ADGRL2: variants seen among roughly 807,000 people sequenced by gnomAD.
The protein encoded by ADGRL2 is adhesion G protein-coupled receptor L2, also known as calcium-independent alpha-latrotoxin receptor 2.
ADGRL2 carries 44 observed loss-of-function variants against 157.4 expected under a neutral mutation model. The observed-to-expected ratio is 0.28, with a 90% CI of 0.22 to 0.36. ADGRL2 has a LOEUF of 0.36. ADGRL2 is among the 10% of genes least tolerant of loss of function. The pLI is 1.00. For synonymous variants in ADGRL2, 585 were observed against 624.7 expected, an observed-to-expected ratio of 0.94 and a Z score of 0.95; for missense variants, 1,510 against 1,768.9, an observed-to-expected ratio of 0.85 and a Z score of 2.63.
At chr1:81,529,406 A>T in intron 2 of ADGRL2, among the ~76,000 whole-genome samples, 1 of 152,252 alleles carries the variant, frequency 6.6e-6, no homozygotes, top group Non-Finnish European at 1.5e-5. Flanking sequence ...CAGAAAGAAT[A>T]AGCAGCATGT....
At chr1:81,447,801 A>G (rs1447001371) in intron 2 of ADGRL2, among the ~76,000 whole-genome samples, 1 of 152,134 alleles carries the variant, frequency 6.6e-6, no homozygotes, top group Non-Finnish European at 1.5e-5. Flanking sequence ...GTCCCCACCC[A>G]AATCTCATGT....
intron 1 of ADGRL2, among the ~76,000 whole-genome samples, chr1:81,759,652 A>G (rs1010547006): frequency 1.3e-5 from 2 of 152,164 alleles, no homozygotes; most frequent in African/African-American, 4.8e-5. Context: ...AGTGTCATCA[A>G]CAACTTAATG....
intron 1 of ADGRL2, among the ~76,000 whole-genome samples, chr1:81,348,781 T>C (rs1662664928): frequency 6.6e-6 from 1 of 152,194 alleles, no homozygotes. Context: ...GCCTTTCCAG[T>C]GTAATACTGG....
chr1:81,871,463 C>T (rs1402966063), intron 2 of ADGRL2, among the ~76,000 whole-genome samples: 12 of 152,176 alleles, frequency 7.9e-5, no homozygotes, highest in South Asian at 2.1e-4. Context: ...AATGGGATAG[C>T]GGGGTCAAAT....
intron 1 of ADGRL2, among the ~76,000 whole-genome samples, chr1:81,336,217 G>T (rs769496886): frequency 6.6e-5 from 10 of 152,098 alleles, no homozygotes; most frequent in Non-Finnish European, 8.8e-5. Context: ...CTCTGAACAG[G>T]ATTTCTGGAA....
chr1:81,439,734 G>A (rs994631318), intron 1 of ADGRL2, among the ~76,000 whole-genome samples: 4 of 152,228 alleles, frequency 2.6e-5, no homozygotes, highest in African/African-American at 9.6e-5. Flanking sequence ...AGACGGTGGT[G>A]TGTTAGCAGC....
chr1:81,866,483 CA>C, intron 2 of ADGRL2, among the ~76,000 whole-genome samples: 1 of 151,998 alleles, frequency 6.6e-6, no homozygotes, highest in East Asian at 1.9e-4. Context: ...GCTATTGGTT[CA>C]ATGGATGAAT....
chr1:81,335,373 A>G (rs1158785267), intron 1 of ADGRL2, among the ~76,000 whole-genome samples: 5 of 152,188 alleles, frequency 3.3e-5, no homozygotes, highest in Non-Finnish European at 7.4e-5. Context: ...TCTTAAATCA[A>G]TAATTTCTGA....
intron 2 of ADGRL2, among the ~76,000 whole-genome samples, chr1:81,536,707 CTTATAG>C (rs1318057954): frequency 2.6e-5 from 4 of 152,018 alleles, no homozygotes; most frequent in East Asian, 1.9e-4. Flanking sequence ...CATGATCAGA[CTTATAG>C]TTAGAATTCT....
intron 2 of ADGRL2, among the ~76,000 whole-genome samples, chr1:81,574,677 G>C (rs889584719): frequency 2.0e-5 from 3 of 152,110 alleles, no homozygotes; most frequent in African/African-American, 7.2e-5. Flanking sequence ...ATTTTCTCAG[G>C]CTGCGTGGTG....
At chr1:81,621,757 G>C (rs951312142) in intron 3 of ADGRL2, among the ~76,000 whole-genome samples, 1 of 152,130 alleles carries the variant, frequency 6.6e-6, no homozygotes, top group Admixed American at 6.6e-5. Flanking sequence ...GATGACAGAT[G>C]CCTCTATATT....
chr1:81,744,688 C>T (rs759496520), intron 1 of ADGRL2, among the ~76,000 whole-genome samples: 10 of 152,106 alleles, frequency 6.6e-5, no homozygotes, highest in Non-Finnish European at 1.0e-4. Context: ...CTCAAAATTA[C>T]TGTATCAAAA....
chr1:81,865,041 CT>C (rs1255012058), intron 2 of ADGRL2, among the ~76,000 whole-genome samples: 2 of 152,098 alleles, frequency 1.3e-5, no homozygotes, highest in African/African-American at 2.4e-5. Flanking sequence ...CAGTATACCA[CT>C]TTGTAGGTAG....
rs183091208 is a variant in ADGRL2 at position 81,897,752 on chromosome 1, A to T, written c.74-9265A>T. Among the ~76,000 whole-genome samples, 115 of 152,288 alleles carry T rather than the reference A, an allele frequency of 7.6e-4. 1 individual carries two copies. The highest frequency in any genetic ancestry group is 2.7e-3 in the African/African-American group (111 of 41,566). On this transcript the variant is annotated intron_variant, in intron 2 of 23. Coordinates refer to ENST00000686636, the MANE Select transcript of ADGRL2 (RefSeq NM_001366006.2). Reference sequence around the variant, plus strand: ...TGAAAATTTTTACCTTGTAGCTTGCATAATTGGATTTAAATATGTATTTTC... The same window carrying T: ...TGAAAATTTTTACCTTGTAGCTTGCTTAATTGGATTTAAATATGTATTTTC...
chr1:81,561,198 A>T (rs1208560402), intron 2 of ADGRL2, among the ~76,000 whole-genome samples: 4 of 151,756 alleles, frequency 2.6e-5, no homozygotes, highest in Non-Finnish European at 4.4e-5. Flanking sequence ...ACATATATTC[A>T]TTATGCTTAT....
chr1:81,955,727 C>T, intron 10 of ADGRL2, 150 bp from the exon 11 acceptor site: 1 of 482,656 alleles, frequency 2.1e-6, no homozygotes, highest in Non-Finnish European at 3.7e-6. Flanking sequence ...TAAAATGGAC[C>T]AGATATATGT....
At chr1:81,982,909 A>G (rs570300206) in intron 19 of ADGRL2, among the ~76,000 whole-genome samples, 1 of 152,150 alleles carries the variant, frequency 6.6e-6, no homozygotes, top group African/African-American at 2.4e-5. Flanking sequence ...ACAGCATTTC[A>G]TAGCAGTTAA....
intron 1 of ADGRL2, among the ~76,000 whole-genome samples, chr1:81,309,459 C>T (rs761019000): frequency 6.6e-6 from 1 of 152,072 alleles, no homozygotes; most frequent in Admixed American, 6.6e-5. Flanking sequence ...TTATTCTGTT[C>T]CTGGCTTTGA....
intron 2 of ADGRL2, among the ~76,000 whole-genome samples, chr1:81,479,942 C>T (rs1036896770): frequency 1.3e-4 from 20 of 152,000 alleles, no homozygotes; most frequent in African/African-American, 2.7e-4. Context: ...AAGTTGCAAC[C>T]GAAGTTTTAT....
Sources: allele counts gnomAD v4.1 joint callset (sites outside exome capture counted in the v4.1 genomes callset), GRCh38; gene constraint gnomAD v4.1.1; transcripts MANE v1.5; gene names NCBI Gene and HGNC (gene_info 2026-07-23, HGNC 2026-07-21).